The following ERBB4 variants were observed in gnomAD, a reference collection of about 807,000 sequenced individuals.
ERBB4 encodes erb-b2 receptor tyrosine kinase 4.
A neutral mutation model predicts 158.0 loss-of-function variants in ERBB4; 42 were observed. The ratio of observed to expected loss-of-function variants is 0.27; its 90% CI spans 0.21 to 0.34. The LOEUF is 0.34. ERBB4 is among the 10% of genes least tolerant of loss of function. The probability of loss-of-function intolerance (pLI) is 1.00; values close to 1 mark genes in which losing one functional copy is unlikely to be tolerated. For missense variants in ERBB4, 1,333 were observed against 1,624.1 expected (o/e 0.82, Z 3.08); for synonymous variants, 583 against 558.7 (o/e 1.04, Z -0.61).
At chr2:212,144,286 G>C (rs982918660) in intron 1 of ERBB4, among the ~76,000 whole-genome samples, 1 of 151,998 alleles carries the variant, frequency 6.6e-6, no homozygotes, top group Admixed American at 6.6e-5. Flanking sequence ...ATTAACCATT[G>C]AATGAAATTC....
intron 20 of ERBB4, among the ~76,000 whole-genome samples, chr2:211,518,665 T>C (rs1280563770): frequency 6.6e-6 from 1 of 151,848 alleles, no homozygotes; most frequent in African/African-American, 2.4e-5. Flanking sequence ...AAAAAAAAGT[T>C]AGTGTGATTC....
At chr2:211,590,083 T>C (rs2068414356) in intron 19 of ERBB4, among the ~76,000 whole-genome samples, 1 of 152,198 alleles carries the variant, frequency 6.6e-6, no homozygotes, top group Non-Finnish European at 1.5e-5. Context: ...AGAGTTCTCA[T>C]GCTAAGGATA....
At chr2:211,970,208 TTC>T (rs1432429155) in intron 2 of ERBB4, among the ~76,000 whole-genome samples, 3 of 152,170 alleles carry the variant, frequency 2.0e-5, no homozygotes, top group African/African-American at 7.2e-5. Flanking sequence ...TTGAGTGAAT[TTC>T]TTAGTCTAAA....
chr2:211,874,638 A>T (rs998010047), intron 3 of ERBB4, among the ~76,000 whole-genome samples: 2 of 152,150 alleles, frequency 1.3e-5, no homozygotes, highest in Non-Finnish European at 2.9e-5. Flanking sequence ...CTAGAGTGAT[A>T]ACCTTATGGC....
At chr2:211,941,682 A>C (rs2080501466) in intron 3 of ERBB4, among the ~76,000 whole-genome samples, 1 of 151,242 alleles carries the variant, frequency 6.6e-6, no homozygotes, top group South Asian at 2.1e-4. Context: ...TCTTAAGCAC[A>C]AAGTAGTTAG....
At chr2:211,454,416 T>C (rs905033204) in intron 20 of ERBB4, among the ~76,000 whole-genome samples, 10 of 152,334 alleles carry the variant, frequency 6.6e-5, no homozygotes, top group African/African-American at 2.2e-4. Context: ...TCTAAATCCA[T>C]GTATTCTCTG....
intron 2 of ERBB4, among the ~76,000 whole-genome samples, chr2:212,111,467 G>C (rs1307000050): frequency 6.6e-6 from 1 of 152,146 alleles, no homozygotes; most frequent in Non-Finnish European, 1.5e-5. Context: ...TCAGCCTTAT[G>C]TCCTAACATT....
intron 1 of ERBB4, among the ~76,000 whole-genome samples, chr2:212,267,045 T>C (rs1458150806): frequency 2.0e-5 from 3 of 151,940 alleles, no homozygotes; most frequent in East Asian, 3.9e-4. Context: ...AAATATGTAG[T>C]GTAGATCATT....
intron 1 of ERBB4, among the ~76,000 whole-genome samples, chr2:212,532,100 T>A (rs1692785683): frequency 6.6e-6 from 1 of 152,256 alleles, no homozygotes; most frequent in South Asian, 2.1e-4. Flanking sequence ...TGTTTCCTTA[T>A]TTTTTTATGT....
chr2:211,582,750 A>G (rs774772292), intron 19 of ERBB4, among the ~76,000 whole-genome samples: 7 of 152,182 alleles, frequency 4.6e-5, no homozygotes, highest in Non-Finnish European at 7.4e-5. Context: ...TGAAATGTCT[A>G]TACATTAAAA....
chr2:212,170,941 T>C (rs1267775885), intron 1 of ERBB4, among the ~76,000 whole-genome samples: 1 of 152,054 alleles, frequency 6.6e-6, no homozygotes, highest in Non-Finnish European at 1.5e-5. Flanking sequence ...GGGCACTGCC[T>C]AGTGGAGCTG....
intron 3 of ERBB4, among the ~76,000 whole-genome samples, chr2:211,827,715 T>C (rs1418339154): frequency 6.6e-6 from 1 of 152,106 alleles, no homozygotes; most frequent in Non-Finnish European, 1.5e-5. Flanking sequence ...TGCTGAAGAA[T>C]AAATCTAGAC....
intron 20 of ERBB4, among the ~76,000 whole-genome samples, chr2:211,491,875 A>G (rs1251664616): frequency 2.6e-5 from 4 of 152,070 alleles, no homozygotes; most frequent in African/African-American, 9.7e-5. Flanking sequence ...ATTTAATGGT[A>G]ATGATAATGT....
chr2:211,540,551 T>A (rs1366245104), intron 20 of ERBB4, among the ~76,000 whole-genome samples: 1 of 151,518 alleles, frequency 6.6e-6, no homozygotes, highest in Non-Finnish European at 1.5e-5. Flanking sequence ...TTTGTTTTTG[T>A]TTTTGTTTTT....
At chr2:211,418,293 T>C (rs905805547) in intron 25 of ERBB4, among the ~76,000 whole-genome samples, 2 of 152,156 alleles carry the variant, frequency 1.3e-5, no homozygotes, top group African/African-American at 2.4e-5. Flanking sequence ...ATGGCATTTG[T>C]ACATGTTAGA....
rs536153977 is a variant in ERBB4 at position 212,227,991 on chromosome 2, G to T, written c.83-103088C>A. Among the ~76,000 whole-genome samples the T allele has an allele frequency of 4.6e-5, 7 of 152,098 alleles. No homozygotes were observed. In the East Asian group the frequency reaches 7.7e-4, roughly 17 times the overall value. Reference sequence around the variant, plus strand: ...CTGCCAATCAAGCTGAGCTTAAAGGGCATGTCGCAATGTTCAGATCATGTT... The same window carrying T: ...CTGCCAATCAAGCTGAGCTTAAAGGTCATGTCGCAATGTTCAGATCATGTT... On this transcript the variant is annotated intron_variant, in intron 1 of 27. Transcript: ENST00000342788.
intron 5 of ERBB4, among the ~76,000 whole-genome samples, chr2:211,747,628 T>C (rs1363737232): frequency 1.3e-5 from 2 of 152,096 alleles, no homozygotes; most frequent in Non-Finnish European, 1.5e-5. Flanking sequence ...TCTACTAAAA[T>C]AAATTAAAAG....
chr2:212,003,151 A>C (rs867728903), intron 2 of ERBB4, among the ~76,000 whole-genome samples: 117 of 17,876 alleles, frequency 6.5e-3, no homozygotes, highest in African/African-American at 0.01. Flanking sequence ...GAAGGAAGGA[A>C]AGAAAGAAAG....
intron 20 of ERBB4, among the ~76,000 whole-genome samples, chr2:211,445,340 G>A (rs1463799378): frequency 1.3e-5 from 2 of 152,078 alleles, no homozygotes; most frequent in African/African-American, 4.8e-5. Flanking sequence ...TTAAGTTTAG[G>A]TTAGAGCAGC....
Sources: allele counts gnomAD v4.1 joint callset (sites outside exome capture counted in the v4.1 genomes callset), GRCh38; gene constraint gnomAD v4.1.1; transcripts MANE v1.5; gene names NCBI Gene and HGNC (gene_info 2026-07-23, HGNC 2026-07-21).